FOXP1: variants seen among roughly 807,000 people sequenced by gnomAD.
The protein encoded by FOXP1 is forkhead box protein P1.
Under a neutral mutation model 98.2 loss-of-function variants are expected in FOXP1, and 15 were observed. The observed-to-expected ratio is 0.15, with a 90% confidence interval of 0.10 to 0.24. The LOEUF is 0.24. FOXP1 is among the 10% of genes least tolerant of loss of function. The pLI, the probability that FOXP1 is intolerant of heterozygous loss-of-function variation, is 1.00. For synonymous variants in FOXP1, 371 were observed against 314.5 expected (o/e 1.18, Z -1.90); for missense variants, 633 against 848.5 (o/e 0.75, Z 3.15).
At chr3:71,390,563 G>T (rs1165851131) in intron 3 of FOXP1, among the ~76,000 whole-genome samples, 2 of 146,468 alleles carry the variant, frequency 1.4e-5, no homozygotes, top group Admixed American at 1.4e-4. Context: ...CAGTAAGGAT[G>T]TGTGTGTGTG....
Position 71,425,916 on chromosome 3 carries a change from T to C in FOXP1, c.-167-66672A>G, listed in dbSNP as rs556590944. On this transcript the variant is annotated intron_variant, in intron 3 of 20. Coordinates refer to ENST00000649528, the MANE Select transcript of FOXP1 (RefSeq NM_001349338.3). ...CCAACCATGTACACTCACCCACGTA[T>C]AGCTGAACCACATCAATCAATAGTG... is the stretch of plus-strand genomic sequence containing the variant. 2.8e-4 allele frequency among the ~76,000 whole-genome samples: 42 copies of C among 152,288 alleles called. 1 individual carries two copies. In the Middle Eastern group the frequency reaches 0.01, roughly 37 times the overall value.
chr3:71,232,972 T>G (rs1395816997), intron 5 of FOXP1, among the ~76,000 whole-genome samples: 2 of 145,940 alleles, frequency 1.4e-5, no homozygotes, highest in Non-Finnish European at 3.0e-5. Context: ...CGACTACTAC[T>G]ACTACTACTA....
chr3:71,522,920 C>T (rs10514727), intron 2 of FOXP1, among the ~76,000 whole-genome samples: 8,861 of 152,222 alleles, frequency 0.058, 357 homozygotes, highest in Non-Finnish European at 0.078. Flanking sequence ...AGCCGCAGTA[C>T]TTACACATTT....
At chr3:71,117,656 A>G (rs565234217) in intron 6 of FOXP1, among the ~76,000 whole-genome samples, 1 of 152,180 alleles carries the variant, frequency 6.6e-6, no homozygotes, top group South Asian at 2.1e-4. Context: ...TTAAGAAGCA[A>G]GGATCAACTC....
At chr3:71,511,976 A>G (rs2042235732) in intron 2 of FOXP1, among the ~76,000 whole-genome samples, 1 of 152,246 alleles carries the variant, frequency 6.6e-6, no homozygotes, top group African/African-American at 2.4e-5. Flanking sequence ...GATGACGACA[A>G]CAATAATAGC....
intron 7 of FOXP1, among the ~76,000 whole-genome samples, chr3:71,095,659 A>G (rs1371892305): frequency 1.3e-5 from 2 of 152,120 alleles, no homozygotes; most frequent in Non-Finnish European, 2.9e-5. Flanking sequence ...GGTATGCCCT[A>G]AACTCCTAGA....
intron 3 of FOXP1, among the ~76,000 whole-genome samples, chr3:71,485,734 C>T (rs2090596816): frequency 6.6e-6 from 1 of 151,320 alleles, no homozygotes; most frequent in Non-Finnish European, 1.5e-5. Flanking sequence ...ATACCACATA[C>T]CACTCCACTC....
intron 2 of FOXP1, among the ~76,000 whole-genome samples, chr3:71,561,626 C>T (rs2046549827): frequency 6.6e-6 from 1 of 152,162 alleles, no homozygotes; most frequent in South Asian, 2.1e-4. Flanking sequence ...ATGAATTACA[C>T]ATATAAAACA....
chr3:71,027,211 C>G (rs1474586550), intron 11 of FOXP1, among the ~76,000 whole-genome samples: 1 of 152,094 alleles, frequency 6.6e-6, no homozygotes, highest in African/African-American at 2.4e-5. Flanking sequence ...CTATGTGGAA[C>G]CTTGTCCATA....
chr3:71,409,587 T>C (rs2082582033), intron 3 of FOXP1, among the ~76,000 whole-genome samples: 1 of 131,510 alleles, frequency 7.6e-6, no homozygotes, highest in Admixed American at 7.5e-5. Flanking sequence ...GTTATTTACT[T>C]TGGAAAAAAA....
intron 6 of FOXP1, among the ~76,000 whole-genome samples, chr3:71,122,846 C>A (rs1052786504): frequency 3.9e-5 from 6 of 152,172 alleles, no homozygotes; most frequent in African/African-American, 9.7e-5. Context: ...CACACTGTAT[C>A]AAGGTCACTG....
intron 14 of FOXP1, among the ~76,000 whole-genome samples, chr3:70,983,744 T>C (rs535585229): frequency 6.6e-6 from 1 of 152,324 alleles, no homozygotes; most frequent in African/African-American, 2.4e-5. Flanking sequence ...TATTATAAAA[T>C]ACGATTTACA....
At chr3:71,152,742 G>T (rs982906292) in intron 6 of FOXP1, among the ~76,000 whole-genome samples, 5 of 152,164 alleles carry the variant, frequency 3.3e-5, no homozygotes, top group African/African-American at 1.2e-4. Context: ...GAGATTAAAA[G>T]AGACAACACT....
At chr3:71,465,309 G>GAA (rs869106717) in intron 3 of FOXP1, among the ~76,000 whole-genome samples, 28 of 112,160 alleles carry the variant, frequency 2.5e-4, no homozygotes, top group African/African-American at 7.6e-4. Flanking sequence ...CTCTGTCTCA[G>GAA]AAAAAAAAAA....
chr3:71,111,149 A>C (rs1403447770), intron 7 of FOXP1, among the ~76,000 whole-genome samples: 2 of 152,186 alleles, frequency 1.3e-5, no homozygotes, highest in Non-Finnish European at 2.9e-5. Flanking sequence ...AGTAAACACA[A>C]GCTAGAATTT....
intron 3 of FOXP1, among the ~76,000 whole-genome samples, chr3:71,446,855 C>T (rs1364841659): frequency 2.0e-5 from 3 of 152,266 alleles, no homozygotes; most frequent in Non-Finnish European, 4.4e-5. Flanking sequence ...ATTATGTCTA[C>T]ATACTTGTGT....
At chr3:71,397,579 T>G (rs2081623172) in intron 3 of FOXP1, among the ~76,000 whole-genome samples, 1 of 152,186 alleles carries the variant, frequency 6.6e-6, no homozygotes, top group Non-Finnish European at 1.5e-5. Context: ...AACAAATGAT[T>G]TTACAAATAG....
intron 5 of FOXP1, among the ~76,000 whole-genome samples, chr3:71,212,226 C>T (rs1349686493): frequency 2.6e-5 from 4 of 152,128 alleles, no homozygotes; most frequent in Non-Finnish European, 4.4e-5. Context: ...GAATGATTTA[C>T]GAGCCACCAA....
intron 3 of FOXP1, among the ~76,000 whole-genome samples, chr3:71,454,922 T>C (rs1297088184): frequency 6.6e-6 from 1 of 152,134 alleles, no homozygotes; most frequent in African/African-American, 2.4e-5. Flanking sequence ...CAACTTCAAA[T>C]GTGCATCTCC....
Sources: allele counts gnomAD v4.1 joint callset (sites outside exome capture counted in the v4.1 genomes callset), GRCh38; gene constraint gnomAD v4.1.1; transcripts MANE v1.5; gene names NCBI Gene and HGNC (gene_info 2026-07-23, HGNC 2026-07-21).